ENTPD1: variants seen among roughly 807,000 people sequenced by gnomAD.
ENTPD1 encodes the protein ectonucleoside triphosphate diphosphohydrolase 1.
In ENTPD1, 33 loss-of-function variants were observed where a neutral mutation model predicts 57.0. The ratio of observed to expected loss-of-function variants is 0.58; its 90% CI spans 0.44 to 0.77. The LOEUF is 0.77. Ranked by LOEUF, ENTPD1 falls within the 30% of genes least tolerant of loss-of-function variation. ENTPD1 has a pLI of 0.00. For missense variants in ENTPD1, 501 were observed against 603.4 expected, an observed-to-expected ratio of 0.83 and a Z score of 1.78; for synonymous variants, 202 against 218.8, an observed-to-expected ratio of 0.92 and a Z score of 0.68.
the ENTPD1 span, among the ~76,000 whole-genome samples, chr10:95,697,067 T>C: frequency 3.3e-5 from 5 of 152,320 alleles, no homozygotes; most frequent in South Asian, 1.0e-3. Context: ...TGGGATGGAA[T>C]TGAAGGTGGA....
At chr10:95,704,108 A>T in the ENTPD1 span, among the ~76,000 whole-genome samples, 1 of 152,126 alleles carries the variant, frequency 6.6e-6, no homozygotes, top group African/African-American at 2.4e-5. Context: ...AACAAAACAA[A>T]ACTACATATC....
intron 1 of ENTPD1, among the ~76,000 whole-genome samples, chr10:95,816,805 C>G (rs2098331410): frequency 6.6e-6 from 1 of 152,094 alleles, no homozygotes; most frequent in Non-Finnish European, 1.5e-5. Context: ...TGTGGCAGCC[C>G]TAAAAAACTA....
chr10:95,844,623 C>A lies in ENTPD1; in HGVS notation c.561C>A (p.Gly187=), dbSNP rs1296374393. 4 of 1,613,960 alleles carry A rather than the reference C, an allele frequency of 2.5e-6. No homozygotes were observed. The highest frequency in any genetic ancestry group is 1.3e-5 in the African/African-American group (1 of 74,898). Residue 187 remains glycine, a synonymous_variant, in exon 5 of 10, where the codon GGC becomes GGA. Coordinates refer to ENST00000371205, the MANE Select transcript of ENTPD1 (RefSeq NM_001776.6). The stretch of plus-strand genomic sequence containing the variant: ...GGATTACTATCAACTATCTGCTGGG[C>A]AAATTCAGTCAGGTGAATATCTCAC... The part of the protein sequence containing the change: ...YGWITINYLL[G]KFSQKTRWFS...
intron 2 of ENTPD1, 146 bp from the exon 3 acceptor site, chr10:95,839,545 C>T (rs1458675195): frequency 2.4e-5 from 19 of 798,448 alleles, no homozygotes; most frequent in East Asian, 1.5e-4. Context: ...ATCTTGTGAT[C>T]GGAGTGACTC....
intron 9 of ENTPD1, among the ~76,000 whole-genome samples, chr10:95,865,918 C>G (rs558253279): frequency 6.6e-6 from 1 of 152,176 alleles, no homozygotes; most frequent in African/African-American, 2.4e-5. Flanking sequence ...CAGACATGTT[C>G]CACCGTGCCC....
intron 1 of ENTPD1, among the ~76,000 whole-genome samples, chr10:95,789,339 T>C (rs947700818): frequency 2.6e-5 from 4 of 152,144 alleles, no homozygotes; most frequent in African/African-American, 9.7e-5. Context: ...CGTGGCAAAG[T>C]CTTAAATATG....
intron 1 of ENTPD1, among the ~76,000 whole-genome samples, chr10:95,796,826 C>T (rs1359935849): frequency 1.3e-5 from 2 of 152,016 alleles, no homozygotes; most frequent in Non-Finnish European, 2.9e-5. Context: ...TACTGGTAAT[C>T]CCAATTATTT....
chr10:95,738,300 C>CT (rs1470883463), intron 1 of ENTPD1, among the ~76,000 whole-genome samples: 1 of 152,134 alleles, frequency 6.6e-6, no homozygotes, highest in African/African-American at 2.4e-5. Context: ...TGTCCTGTGC[C>CT]TGCCTTGATT....
At chr10:95,820,674 C>T (rs535286515) in intron 1 of ENTPD1, among the ~76,000 whole-genome samples, 1 of 152,286 alleles carries the variant, frequency 6.6e-6, no homozygotes, top group African/African-American at 2.4e-5. Context: ...CTTTCTTGAC[C>T]CTCAATCTGA....
Position 95,866,248 on chromosome 10 carries a change from A to C in ENTPD1, c.1398A>C (p.Gln466His). ...LNLTNMIPAE[Q>H]PLSTPLSHST... ...TGACCAACATGATCCCAGCTGAGCA[A>C]CCATTGTCCACACCTCTCTCCCACT... The change falls in exon 10 of 10, where the codon CAA becomes CAC. Residue 466 changes from glutamine (Q) to histidine (H), a missense_variant. Physicochemically the swap from Gln to His is conservative, Grantham distance 24. Coordinates refer to ENST00000371205, the MANE Select transcript of ENTPD1 (RefSeq NM_001776.6). 6.2e-7 allele frequency: 1 copy of C among 1,614,130 alleles called. No homozygotes were observed. The highest frequency in any genetic ancestry group is 1.1e-5 in the South Asian group (1 of 91,084).
chr10:95,846,996 A>AG (rs1313286465), intron 6 of ENTPD1, among the ~76,000 whole-genome samples: 3 of 151,976 alleles, frequency 2.0e-5, no homozygotes, highest in African/African-American at 2.4e-5. Context: ...CTCAAAAAAA[A>AG]AAATTATTTT....
intron 1 of ENTPD1, among the ~76,000 whole-genome samples, chr10:95,775,252 A>G (rs188496326): frequency 2.0e-5 from 3 of 152,350 alleles, no homozygotes; most frequent in African/African-American, 7.2e-5. Flanking sequence ...TTTTCTAAAT[A>G]TACAATCAGG....
At chr10:95,745,834 C>T (rs562275758) in intron 1 of ENTPD1, among the ~76,000 whole-genome samples, 6 of 152,292 alleles carry the variant, frequency 3.9e-5, no homozygotes, top group South Asian at 2.1e-4. Context: ...CCTGCTGCCA[C>T]GTTGGGTTGT....
rs570815548 is a variant in ENTPD1 at position 95,759,711 on chromosome 10, G to T, written c.16+3456G>T. Among the ~76,000 whole-genome samples the T allele has an allele frequency of 2.0e-5, 3 of 152,106 alleles. No homozygotes were observed. The South Asian group carries it at 6.2e-4, about 31-fold the overall frequency. The stretch of plus-strand genomic sequence containing the variant: ...ATCCTTGGATAAACAGTTTGCTCAC[G>T]GTCTAGTGGGGAAGCCTAATAATAA... On this transcript the variant is annotated intron_variant, in intron 1 of 9. Transcript: ENST00000371205.
chr10:95,805,092 A>G (rs1015430307), intron 1 of ENTPD1, among the ~76,000 whole-genome samples: 1 of 151,944 alleles, frequency 6.6e-6, no homozygotes, highest in Non-Finnish European at 1.5e-5. Flanking sequence ...AGTGGGGTGT[A>G]AAAGTCTCCC....
chr10:95,743,963 T>G (rs1271365636), intron 1 of ENTPD1, among the ~76,000 whole-genome samples: 1 of 135,654 alleles, frequency 7.4e-6, no homozygotes, highest in Non-Finnish European at 1.6e-5. Flanking sequence ...CCCACTCTGC[T>G]GACAGAGCAA....
Position 95,812,650 on chromosome 10 carries a change from T to G in ENTPD1, c.17-10587T>G, listed in dbSNP as rs2098312894. Among the ~76,000 whole-genome samples the G allele has an allele frequency of 2.0e-5, 3 of 152,232 alleles. No homozygotes were observed. The South Asian group carries it at 6.2e-4, about 32-fold the overall frequency. On this transcript the variant is annotated intron_variant, in intron 1 of 9. Transcript: ENST00000371205. Reference sequence around the variant, plus strand: ...TATGGTGAGTTTTTATTTAACTTTATAAGAAACTGCCAAACACTTTCTCAA... The same window carrying G: ...TATGGTGAGTTTTTATTTAACTTTAGAAGAAACTGCCAAACACTTTCTCAA...
At chr10:95,718,157 T>C (rs556826664) in intron 1 of ENTPD1, among the ~76,000 whole-genome samples, 2 of 152,112 alleles carry the variant, frequency 1.3e-5, no homozygotes, top group African/African-American at 4.8e-5. Context: ...GGAGGTGCAG[T>C]GAGAGTGAAA....
chr10:95,869,062 T>C lies in ENTPD1; in HGVS notation c.*2679T>C, dbSNP rs1566265288. ...TGGTCACTGTTAACTAATTTTAATA[T>C]TGGATTGGCCATTGGTTATCACTGA... is the stretch of plus-strand genomic sequence containing the variant. On this transcript the variant is annotated 3_prime_UTR_variant, in exon 10 of 10. Transcript: ENST00000371205. 7 of 985,240 alleles carry C rather than the reference T, an allele frequency of 7.1e-6. No individual in the cohort carries two copies. The highest frequency in any genetic ancestry group is 7.2e-6 in the Non-Finnish European group (6 of 829,900). The allele number at this position is 985,240 out of a possible 1,614,324, so 61.0% of individuals were successfully genotyped here.
Sources: gnomAD v4.1 joint callset for allele counts (sites outside exome capture counted in the v4.1 genomes callset) on GRCh38, gnomAD v4.1.1 for gene constraint, MANE v1.5 for transcripts, NCBI Gene and HGNC (gene_info 2026-07-23, HGNC 2026-07-21) for gene names.